KITLG: variants seen among roughly 807,000 people sequenced by gnomAD.
KITLG encodes KIT ligand.
A neutral mutation model predicts 34.1 loss-of-function variants in KITLG; 13 were observed. That is an observed-to-expected ratio of 0.38 (90% CI 0.25 to 0.61). The LOEUF (loss-of-function observed/expected upper bound fraction) is 0.61, where lower values mean the gene tolerates loss of function less well. Ranked by LOEUF, KITLG falls within the 20% of genes least tolerant of loss-of-function variation. KITLG has a pLI of 0.60. For synonymous variants in KITLG, 110 were observed against 104.0 expected, an observed-to-expected ratio of 1.06 and a Z score of -0.35; for missense variants, 292 against 318.9, an observed-to-expected ratio of 0.92 and a Z score of 0.64.
chr12:88,563,418 T>C (rs187921675), intron 1 of KITLG, among the ~76,000 whole-genome samples: 86 of 152,328 alleles, frequency 5.6e-4, no homozygotes, highest in African/African-American at 1.9e-3. Flanking sequence ...TGGCATAGTG[T>C]TGATGTTCCC....
At chr12:88,553,110 C>T (rs910220548) in intron 1 of KITLG, among the ~76,000 whole-genome samples, 5 of 146,038 alleles carry the variant, frequency 3.4e-5, no homozygotes, top group African/African-American at 1.3e-4. Context: ...AGAGTATGAC[C>T]TTTAGCACAT....
At chr12:88,527,575 G>A (rs1298734104) in intron 3 of KITLG, among the ~76,000 whole-genome samples, 1 of 152,208 alleles carries the variant, frequency 6.6e-6, no homozygotes, top group Non-Finnish European at 1.5e-5. Context: ...ATTGGTTCAG[G>A]TAAGTATCAT....
At chr12:88,563,408 T>C (rs894670303) in intron 1 of KITLG, among the ~76,000 whole-genome samples, 8 of 152,202 alleles carry the variant, frequency 5.3e-5, no homozygotes, top group African/African-American at 1.4e-4. Context: ...AGGGACACAC[T>C]GGCATAGTGT....
chr12:88,543,693 A>G (rs949183066), intron 2 of KITLG, among the ~76,000 whole-genome samples: 5 of 152,126 alleles, frequency 3.3e-5, no homozygotes, highest in Non-Finnish European at 5.9e-5. Flanking sequence ...CGCCCTTCTC[A>G]TATCACCATT....
chr12:88,521,119 A>T (rs1299762964), intron 3 of KITLG, among the ~76,000 whole-genome samples: 3 of 152,158 alleles, frequency 2.0e-5, no homozygotes, highest in Non-Finnish European at 2.9e-5. Context: ...TCTTTGGAAA[A>T]GGCTGAATCA....
intron 1 of KITLG, among the ~76,000 whole-genome samples, chr12:88,549,982 G>A (rs2407204): frequency 0.67 from 101,491 of 151,522 alleles, 37,106 homozygotes; most frequent in Middle Eastern, 0.87. Flanking sequence ...GTTATAGGCC[G>A]AGTAAGATAA....
chr12:88,555,445 AT>A (rs1871064235), intron 1 of KITLG, among the ~76,000 whole-genome samples: 1 of 152,220 alleles, frequency 6.6e-6, no homozygotes, highest in African/African-American at 2.4e-5. Flanking sequence ...TGGATTGGAT[AT>A]AAACCAAAAC....
chr12:88,574,343 T>C (rs970142926), intron 1 of KITLG, among the ~76,000 whole-genome samples: 1 of 151,460 alleles, frequency 6.6e-6, no homozygotes, highest in South Asian at 2.1e-4. Flanking sequence ...CTGGGTTTGC[T>C]CCAGCTCTCA....
chr12:88,550,752 C>T (rs1381840503), intron 1 of KITLG, among the ~76,000 whole-genome samples: 1 of 152,114 alleles, frequency 6.6e-6, no homozygotes, highest in Non-Finnish European at 1.5e-5. Context: ...TTTGTGAGAA[C>T]TGTGATGCGA....
At chr12:88,556,748 A>G (rs1356106549) in intron 1 of KITLG, among the ~76,000 whole-genome samples, 1 of 152,204 alleles carries the variant, frequency 6.6e-6, no homozygotes, top group African/African-American at 2.4e-5. Flanking sequence ...ATACCATTCT[A>G]TCATGAACTA....
chr12:88,508,753 T>C (rs1275799889), intron 6 of KITLG, among the ~76,000 whole-genome samples: 1 of 152,146 alleles, frequency 6.6e-6, no homozygotes, highest in African/African-American at 2.4e-5. Context: ...TTTTACCATC[T>C]CAAGTTGGAG....
chr12:88,572,394 A>T (rs967526439), intron 1 of KITLG, among the ~76,000 whole-genome samples: 1 of 151,704 alleles, frequency 6.6e-6, no homozygotes, highest in Non-Finnish European at 1.5e-5. Context: ...AAGCCTAATA[A>T]ATGCCTAAAT....
chr12:88,522,245 C>T (rs1029767338), intron 3 of KITLG, among the ~76,000 whole-genome samples: 7 of 152,014 alleles, frequency 4.6e-5, no homozygotes, highest in Non-Finnish European at 1.0e-4. Context: ...CTCTGTAGTT[C>T]CAGAACCAGT....
At chr12:88,512,097 A>T (rs964391105) in intron 6 of KITLG, among the ~76,000 whole-genome samples, 1 of 152,178 alleles carries the variant, frequency 6.6e-6, no homozygotes, top group Admixed American at 6.6e-5. Context: ...CTATGTGTTG[A>T]AATTTGGAGA....
chr12:88,546,154 T>C, intron 1 of KITLG: 1 of 467,750 alleles, frequency 2.1e-6, no homozygotes, highest in South Asian at 1.9e-5. Context: ...TAGCAGCATG[T>C]TAAAGACTTA....
chr12:88,532,756 A>G (rs1033713686), intron 2 of KITLG, among the ~76,000 whole-genome samples: 7 of 152,164 alleles, frequency 4.6e-5, no homozygotes, highest in African/African-American at 1.7e-4. Context: ...GGTATAACCT[A>G]CTGAGTTTTG....
rs556540152 is a variant in KITLG, at chr12:88,504,608, G to A, written c.*37+551C>T. Among the ~76,000 whole-genome samples the A allele has an allele frequency of 3.3e-5, 5 of 152,184 alleles. 1 individual carries two copies. In the South Asian group the frequency reaches 1.0e-3, roughly 32 times the overall value. Reference sequence around the variant, plus strand: ...AGAATGGTGATCATTAAAAAGTCAGGAAACAACAGGTGCTGCAGAGGATGT... The same window carrying A: ...AGAATGGTGATCATTAAAAAGTCAGAAAACAACAGGTGCTGCAGAGGATGT... On this transcript the variant is annotated intron_variant, in intron 9 of 9. Coordinates refer to ENST00000644744, the MANE Select transcript of KITLG (RefSeq NM_000899.5).
chr12:88,546,095 T>A, intron 1 of KITLG: 1 of 607,794 alleles, frequency 1.6e-6, no homozygotes, highest in Non-Finnish European at 3.0e-6. Flanking sequence ...TAACTTTTGT[T>A]AAAAACTTTC....
In KITLG at chr12:88,545,859, T is replaced by C; in HGVS notation, c.22A>G (p.Ile8Val). Residue 8 changes from isoleucine (I) to valine (V), a missense_variant, in exon 2 of 10, where the codon ATT (isoleucine) becomes GTT (valine). Coordinates refer to ENST00000644744, the MANE Select transcript of KITLG (RefSeq NM_000899.5). The stretch of plus-strand genomic sequence containing the variant: ...AGCTGAAGATAAATGCAAGTGAGAA[T>C]CCAAGTCTAAATGAAAACAGAAAAA... Reference protein sequence around the residue: MKKTQTWILTCIYLQLLL... With the variant: MKKTQTWVLTCIYLQLLL... The C allele has an allele frequency of 1.2e-6, 2 of 1,601,134 alleles. No individual in the cohort carries two copies. The highest frequency in any genetic ancestry group is 1.7e-6 in the Non-Finnish European group (2 of 1,168,482).
Sources: gnomAD v4.1 joint callset for allele counts (sites outside exome capture counted in the v4.1 genomes callset) on GRCh38, gnomAD v4.1.1 for gene constraint, MANE v1.5 for transcripts, NCBI Gene and HGNC (gene_info 2026-07-23, HGNC 2026-07-21) for gene names.